The following FGD4 variants were observed in gnomAD, a reference collection of about 807,000 sequenced individuals.
FGD4 encodes the protein FYVE, RhoGEF and PH domain-containing protein 4.
FGD4 carries 42 observed loss-of-function variants against 102.0 expected under a neutral mutation model. That is an observed-to-expected ratio of 0.41 (90% CI 0.32 to 0.53). The LOEUF (loss-of-function observed/expected upper bound fraction) is 0.53, where lower values mean the gene tolerates loss of function less well. FGD4 is among the 20% of genes least tolerant of loss of function. FGD4 has a pLI of 0.21. For synonymous variants in FGD4, 380 were observed against 375.7 expected (o/e 1.01, Z -0.13); for missense variants, 902 against 1,078.2 (o/e 0.84, Z 2.29).
At chr12:32,549,733 G>A (rs1448448369) in intron 1 of FGD4, among the ~76,000 whole-genome samples, 1 of 152,192 alleles carries the variant, frequency 6.6e-6, no homozygotes, top group Non-Finnish European at 1.5e-5. Context: ...TGAATGTCAA[G>A]GCAGACTGCA....
chr12:32,564,192 AACCAC>A lies in FGD4; in HGVS notation c.225_229del (p.Thr76GlyfsTer3), dbSNP rs1489233102. 6.5e-7 allele frequency: 1 copy of A among 1,536,166 alleles called. No homozygotes were observed. Among genetic ancestry groups the A allele is most frequent in the Non-Finnish European group, 8.7e-7 (1 of 1,146,898 alleles). Reference sequence around the variant, plus strand: ...TTCCACCTTGCTCCACAAGCAGCACAACCACACTGGTTGGTGAGAATGTATCTGAA... The same window carrying A: ...TTCCACCTTGCTCCACAAGCAGCACAACTGGTTGGTGAGAATGTATCTGAA... On this transcript the variant is annotated frameshift_variant, in exon 2 of 17. Transcript: ENST00000534526. LOFTEE classifies it high-confidence loss of function.
intron 1 of FGD4, among the ~76,000 whole-genome samples, chr12:32,520,425 G>GGTTTT (rs1940384935): frequency 9.0e-6 from 1 of 111,366 alleles, no homozygotes; most frequent in African/African-American, 3.2e-5. Context: ...TCTATTGTGG[G>GGTTTT]TTTTTTTGTT....
chr12:32,631,076 G>A (rs931438648), intron 14 of FGD4, among the ~76,000 whole-genome samples: 7 of 152,116 alleles, frequency 4.6e-5, no homozygotes, highest in Admixed American at 4.6e-4. Flanking sequence ...TTCCCCTGTT[G>A]TTTATGCAGT....
chr12:32,574,331 GTTTTT>G (rs59873254), intron 2 of FGD4, among the ~76,000 whole-genome samples: 3 of 127,518 alleles, frequency 2.4e-5, no homozygotes, highest in African/African-American at 8.6e-5. Flanking sequence ...AACCTTAAGT[GTTTTT>G]TTTTTTTTTT....
At chr12:32,539,576 G>GGA (rs1555198612) in intron 1 of FGD4, among the ~76,000 whole-genome samples, 57 of 140,814 alleles carry the variant, frequency 4.0e-4, no homozygotes, top group African/African-American at 1.5e-3. Flanking sequence ...TCTCAGGGGG[G>GGA]AAAAAAAAAA....
At chr12:32,599,233 G>A (rs546300996) in intron 5 of FGD4, among the ~76,000 whole-genome samples, 2 of 151,700 alleles carry the variant, frequency 1.3e-5, no homozygotes, top group South Asian at 4.2e-4. Flanking sequence ...GGTGGCTCAC[G>A]CCTGTAATCC....
chr12:32,418,147 G>A (rs1488379514), intron 1 of FGD4, among the ~76,000 whole-genome samples: 5 of 151,934 alleles, frequency 3.3e-5, no homozygotes, highest in East Asian at 3.9e-4. Flanking sequence ...TAGTAGAGAC[G>A]GGGTTTCGCT....
chr12:32,590,634 A>G (rs1284739213), intron 4 of FGD4, among the ~76,000 whole-genome samples: 2 of 152,152 alleles, frequency 1.3e-5, no homozygotes, highest in African/African-American at 2.4e-5. Flanking sequence ...TACTAGCTGT[A>G]TGACTTTGGG....
chr12:32,526,517 G>A (rs559606594), intron 1 of FGD4, among the ~76,000 whole-genome samples: 81 of 152,194 alleles, frequency 5.3e-4, no homozygotes, highest in Non-Finnish European at 9.4e-4. Flanking sequence ...GATTGTAAAC[G>A]CACCAATCAG....
At chr12:32,400,266 A>G (rs1398227135) in intron 1 of FGD4, among the ~76,000 whole-genome samples, 2 of 152,216 alleles carry the variant, frequency 1.3e-5, no homozygotes, top group African/African-American at 4.8e-5. Context: ...TGAAAAGACC[A>G]GTTTTCTAGC....
chr12:32,593,389 A>T (rs1947637602), intron 4 of FGD4, among the ~76,000 whole-genome samples: 2 of 152,212 alleles, frequency 1.3e-5, no homozygotes, highest in Admixed American at 1.3e-4. Flanking sequence ...TAAGTGAGTG[A>T]TTAAACCGTA....
At chr12:32,485,607 A>T (rs1363901539) in intron 1 of FGD4, among the ~76,000 whole-genome samples, 2 of 147,754 alleles carry the variant, frequency 1.4e-5, no homozygotes, top group African/African-American at 2.5e-5. Context: ...CGCCTGGCTA[A>T]TTTTTTTTTT....
chr12:32,618,570 CA>C (rs1949590099), intron 10 of FGD4, among the ~76,000 whole-genome samples: 1 of 152,126 alleles, frequency 6.6e-6, no homozygotes. Flanking sequence ...CTATGTCTCA[CA>C]CTATAATCCC....
At chr12:32,480,174 G>GT (rs1943697478) in intron 1 of FGD4, among the ~76,000 whole-genome samples, 2 of 101,046 alleles carry the variant, frequency 2.0e-5, no homozygotes, top group Non-Finnish European at 4.9e-5. Flanking sequence ...TGTTTTTTTT[G>GT]TTTTGAGACT....
chr12:32,511,608 G>T (rs946354104), intron 1 of FGD4, among the ~76,000 whole-genome samples: 3 of 151,960 alleles, frequency 2.0e-5, no homozygotes, highest in African/African-American at 4.8e-5. Context: ...GGCCTGATTG[G>T]TGTGATTTTT....
At chr12:32,501,928 C>A (rs1938246441) in intron 1 of FGD4, 2 of 575,142 alleles carry the variant, frequency 3.5e-6, no homozygotes, top group Non-Finnish European at 4.4e-6. Context: ...GGTAAATTTG[C>A]TGGAAAGCTT....
At chr12:32,598,010 G>A (rs904267036) in intron 4 of FGD4, among the ~76,000 whole-genome samples, 11 of 152,192 alleles carry the variant, frequency 7.2e-5, no homozygotes, top group South Asian at 2.1e-4. Context: ...ACAGATGTGC[G>A]TCACCACGCC....
chr12:32,585,222 TTATATATA>T (rs140227421), intron 4 of FGD4, among the ~76,000 whole-genome samples: 2,422 of 116,098 alleles, frequency 0.021, 45 homozygotes, highest in South Asian at 0.041. Context: ...CTCAAAAATT[TTATATATA>T]TATATATATA....
At chr12:32,475,485 G>A (rs992737226) in intron 1 of FGD4, among the ~76,000 whole-genome samples, 2 of 152,138 alleles carry the variant, frequency 1.3e-5, no homozygotes, top group African/African-American at 4.8e-5. Context: ...GGTACTCAAA[G>A]CACCCACTTA....
Sources: allele counts gnomAD v4.1 joint callset (sites outside exome capture counted in the v4.1 genomes callset), GRCh38; gene constraint gnomAD v4.1.1; transcripts MANE v1.5; gene names NCBI Gene and HGNC (gene_info 2026-07-23, HGNC 2026-07-21).